The following ZNF654 variants were observed in gnomAD, a reference collection of about 807,000 sequenced individuals.
The protein encoded by ZNF654 is zinc finger protein 654.
In ZNF654, 19 loss-of-function variants were observed where a neutral mutation model predicts 95.3. The ratio of observed to expected loss-of-function variants is 0.20; its 90% confidence interval spans 0.14 to 0.29. ZNF654 has a LOEUF of 0.29. Among genes scored for constraint, ZNF654 ranks in the 10% least tolerant of loss-of-function variants. The pLI is 1.00. For missense variants in ZNF654, 1,046 were observed against 1,341.0 expected (o/e 0.78, Z 3.44); for synonymous variants, 413 against 457.9 (o/e 0.90, Z 1.25).
At chr3:88,122,833 A>C (rs1363921924) in intron 3 of ZNF654, among the ~76,000 whole-genome samples, 2 of 151,918 alleles carry the variant, frequency 1.3e-5, no homozygotes, top group Non-Finnish European at 2.9e-5. Flanking sequence ...AGCATGGTGA[A>C]ACCCTGTCTC....
At chr3:88,092,287 G>C (rs1397742019) in intron 2 of ZNF654, among the ~76,000 whole-genome samples, 1 of 152,128 alleles carries the variant, frequency 6.6e-6, no homozygotes, top group African/African-American at 2.4e-5. Flanking sequence ...GTAAAGCTCT[G>C]CTTGCTTCTA....
At chr3:88,136,708 G>A (rs1433631320) in intron 7 of ZNF654, among the ~76,000 whole-genome samples, 1 of 152,146 alleles carries the variant, frequency 6.6e-6, no homozygotes, top group Non-Finnish European at 1.5e-5. Flanking sequence ...TGTGTTAGGA[G>A]GAGTGGTTGT....
chr3:88,075,785 A>G (rs1182142592), intron 1 of ZNF654, among the ~76,000 whole-genome samples: 2 of 151,024 alleles, frequency 1.3e-5, no homozygotes, highest in African/African-American at 4.9e-5. Flanking sequence ...TTGTTCCTTC[A>G]GTTATCTCTT....
At chr3:88,132,710 T>C (rs6551274) in intron 6 of ZNF654, among the ~76,000 whole-genome samples, 119,216 of 152,166 alleles carry the variant, frequency 0.78, 47,627 homozygotes, top group South Asian at 0.91. Context: ...AGGGGAAGTA[T>C]ATGCCAGACA....
intron 2 of ZNF654, chr3:88,095,296 A>T (rs1455630397): frequency 5.2e-5 from 11 of 211,566 alleles, no homozygotes; most frequent in Non-Finnish European, 9.3e-5. Flanking sequence ...GAGCACAGTG[A>T]TAAGCATATT....
rs1707208450 is a variant in ZNF654, at chr3:88,143,170, A to G, written c.*1518A>G. The G allele has an allele frequency of 6.6e-6, 1 of 152,288 alleles. No homozygotes were observed. Among genetic ancestry groups the G allele is most frequent in the South Asian group, 2.1e-4 (1 of 4,834 alleles). The allele number at this position is 152,288 out of a possible 1,614,324, so 9.4% of individuals were successfully genotyped here. A position where few individuals can be genotyped will look rare whatever the true frequency, so the allele number is the denominator to read the frequency against. The stretch of plus-strand genomic sequence containing the variant: ...ATTACGGAAGTGGGGAATTTCTTCC[A>G]GGTAGCATCCATATTTTATTAAATT... On this transcript the variant is annotated 3_prime_UTR_variant, in exon 9 of 9. Coordinates refer to ENST00000636215, the MANE Select transcript of ZNF654 (RefSeq NM_001350134.2).
rs969158553 is a variant in ZNF654 at position 88,144,227 on chromosome 3, C to T, written c.*2575C>T. On this transcript the variant is annotated 3_prime_UTR_variant, in exon 9 of 9. Coordinates refer to ENST00000636215, the MANE Select transcript of ZNF654 (RefSeq NM_001350134.2). ...TGGTACTTTGGGCTTTAGCCATATTCATTTTTTTGAAACCACCAATTATAT... is the reference window on the plus strand; with the variant it reads ...TGGTACTTTGGGCTTTAGCCATATTTATTTTTTTGAAACCACCAATTATAT... 1 of 152,232 alleles carries T rather than the reference C, an allele frequency of 6.6e-6. No homozygotes were observed. The highest frequency in any genetic ancestry group is 1.5e-5 in the Non-Finnish European group (1 of 67,796). The allele number at this position is 152,232 out of a possible 1,614,324, so 9.4% of individuals were successfully genotyped here. A position where few individuals can be genotyped will look rare whatever the true frequency, so the allele number is the denominator to read the frequency against.
At chr3:88,099,132 CAA>C (rs1354304451) in intron 2 of ZNF654, among the ~76,000 whole-genome samples, 4 of 152,168 alleles carry the variant, frequency 2.6e-5, no homozygotes, top group African/African-American at 7.2e-5. Flanking sequence ...GCAACTTCAG[CAA>C]AGTCTCAGGA....
At chr3:88,111,685 A>G (rs1160819768) in intron 2 of ZNF654, among the ~76,000 whole-genome samples, 1 of 151,952 alleles carries the variant, frequency 6.6e-6, no homozygotes, top group Non-Finnish European at 1.5e-5. Flanking sequence ...TTATATATGT[A>G]TATTTCGAGG....
intron 2 of ZNF654, among the ~76,000 whole-genome samples, chr3:88,106,734 T>C (rs189165949): frequency 6.6e-6 from 1 of 152,036 alleles, no homozygotes; most frequent in East Asian, 1.9e-4. Flanking sequence ...AATTAAAATA[T>C]GTTAATGTTC....
intron 2 of ZNF654, among the ~76,000 whole-genome samples, chr3:88,106,360 CAG>C (rs1367420275): frequency 6.6e-6 from 1 of 152,010 alleles, no homozygotes; most frequent in Non-Finnish European, 1.5e-5. Flanking sequence ...TTTTGGAAGA[CAG>C]AGTCTCACTC....
intron 4 of ZNF654, among the ~76,000 whole-genome samples, chr3:88,128,517 T>C (rs1706254361): frequency 2.0e-5 from 3 of 152,236 alleles, no homozygotes; most frequent in Admixed American, 2.0e-4. Flanking sequence ...TTTTAACATA[T>C]TAATGAACTG....
intron 1 of ZNF654, among the ~76,000 whole-genome samples, chr3:88,070,170 T>C (rs1263402904): frequency 6.6e-6 from 1 of 152,228 alleles, no homozygotes; most frequent in African/African-American, 2.4e-5. Flanking sequence ...TTGTACCTTT[T>C]GACTTAGTCA....
At chr3:88,072,256 T>C (rs2107617604) in intron 1 of ZNF654, among the ~76,000 whole-genome samples, 1 of 152,350 alleles carries the variant, frequency 6.6e-6, no homozygotes, top group African/African-American at 2.4e-5. Flanking sequence ...ATCTTTCTCC[T>C]GGATTATTTT....
Position 88,141,052 on chromosome 3 carries a change from A to T in ZNF654, c.3379+4A>T. 1.9e-6 allele frequency: 3 copies of T among 1,585,418 alleles called. No homozygotes were observed. Among genetic ancestry groups the T allele is most frequent in the Non-Finnish European group, 2.6e-6 (3 of 1,167,698 alleles). ...GGATTTGATTCAGATGATGAAAGTA[A>T]GTCTTCTGTCTTCTTAGTAGAGGTA... On this transcript the variant is annotated splice_donor_region_variant and intron_variant, in intron 8 of 8. Coordinates refer to ENST00000636215, the MANE Select transcript of ZNF654 (RefSeq NM_001350134.2).
intron 2 of ZNF654, among the ~76,000 whole-genome samples, chr3:88,086,803 G>A (rs1438981659): frequency 6.6e-6 from 1 of 152,178 alleles, no homozygotes; most frequent in Non-Finnish European, 1.5e-5. Context: ...TTCTTTTTGA[G>A]AAGGAGTCTC....
intron 1 of ZNF654, among the ~76,000 whole-genome samples, chr3:88,084,888 C>G (rs1320370693): frequency 6.6e-6 from 1 of 152,174 alleles, no homozygotes; most frequent in African/African-American, 2.4e-5. Flanking sequence ...TGAGGAACCT[C>G]AAGTTTAAGG....
intron 2 of ZNF654, chr3:88,095,571 C>G (rs1418889216): frequency 4.2e-5 from 22 of 519,976 alleles, no homozygotes; most frequent in Non-Finnish European, 3.9e-6. Flanking sequence ...TCATTAAAAA[C>G]ATAAATTGCC....
At chr3:88,100,318 A>C (rs907821764) in intron 2 of ZNF654, among the ~76,000 whole-genome samples, 17 of 152,136 alleles carry the variant, frequency 1.1e-4, no homozygotes, top group Non-Finnish European at 1.8e-4. Context: ...AAAAGTCAGG[A>C]AACAACAGGT....
Sources: allele counts gnomAD v4.1 joint callset (sites outside exome capture counted in the v4.1 genomes callset), GRCh38; gene constraint gnomAD v4.1.1; transcripts MANE v1.5; gene names NCBI Gene and HGNC (gene_info 2026-07-23, HGNC 2026-07-21).